The following GPD2 variants were observed in gnomAD, a reference collection of about 807,000 sequenced individuals.
GPD2 encodes glycerol-3-phosphate dehydrogenase, mitochondrial.
In GPD2, 54 loss-of-function variants were observed where a neutral mutation model predicts 82.4. The observed-to-expected ratio is 0.66, with a 90% CI of 0.53 to 0.82. GPD2 has a LOEUF of 0.82. GPD2 is among the 40% of genes least tolerant of loss of function. GPD2 has a pLI of 0.00. For synonymous variants in GPD2, 288 were observed against 306.1 expected (o/e 0.94, Z 0.62); for missense variants, 748 against 896.2 (o/e 0.83, Z 2.11).
At chr2:156,434,925 A>G (rs1459656919), upstream of GPD2, among the ~76,000 whole-genome samples, 1 of 152,126 alleles carries the variant, frequency 6.6e-6, no homozygotes, top group Non-Finnish European at 1.5e-5. Context: ...AGCCAGTTTT[A>G]AAATACAAGG....
intron 8 of GPD2, among the ~76,000 whole-genome samples, chr2:156,555,487 G>A (rs974146287): frequency 6.6e-6 from 1 of 152,184 alleles, no homozygotes; most frequent in Admixed American, 6.5e-5. Flanking sequence ...AAACATGTCA[G>A]CATATAATTC....
rs576762521 is a variant in GPD2 at position 156,584,767 on chromosome 2, T to G, written c.*1849T>G. 1.2e-4 allele frequency: 19 copies of G among 152,542 alleles called. No homozygotes were observed. Among genetic ancestry groups the G allele is most frequent in the African/African-American group, 3.9e-4 (16 of 41,528 alleles). The allele number at this position is 152,542 out of a possible 1,614,324, so 9.4% of individuals were successfully genotyped here. A position where few individuals can be genotyped will look rare whatever the true frequency, so the allele number is the denominator to read the frequency against. On this transcript the variant is annotated 3_prime_UTR_variant, in exon 17 of 17. Transcript: ENST00000438166. ...TGTTTTTTGCTATCCAGATAACAAG[T>G]TTCATTGTTTAGAACCCAGTGACAC... is the stretch of plus-strand genomic sequence containing the variant.
Position 156,585,234 on chromosome 2 carries a change from C to A in GPD2, c.*2316C>A, listed in dbSNP as rs1167638680. 6.6e-6 allele frequency: 1 copy of A among 151,954 alleles called. No homozygotes were observed. The highest frequency in any genetic ancestry group is 2.4e-5 in the African/African-American group (1 of 41,274). 9.4% of individuals were successfully genotyped at this position (151,954 alleles called of 1,614,324 possible). ...ACCTGATTTAAGAAAGGGAGACAAG[C>A]AATAGGGGGGAATAAGCTTCTTCAA... is the stretch of plus-strand genomic sequence containing the variant. On this transcript the variant is annotated 3_prime_UTR_variant, in exon 17 of 17. Coordinates refer to ENST00000438166, the MANE Select transcript of GPD2 (RefSeq NM_000408.5).
chr2:156,429,892 T>G, the GPD2 span, among the ~76,000 whole-genome samples: 1 of 152,326 alleles, frequency 6.6e-6, no homozygotes, highest in South Asian at 2.1e-4. Context: ...CTCAAGGATT[T>G]AAGATTTTCT....
At chr2:156,406,448 T>A in the GPD2 span, among the ~76,000 whole-genome samples, 3 of 152,168 alleles carry the variant, frequency 2.0e-5, no homozygotes, top group African/African-American at 7.2e-5. Flanking sequence ...TCCCTCCTCA[T>A]GCCAATCTCT....
the GPD2 span, among the ~76,000 whole-genome samples, chr2:156,409,955 A>T: frequency 2.0e-5 from 3 of 152,126 alleles, no homozygotes; most frequent in South Asian, 4.1e-4. Context: ...GTTGAGGCAG[A>T]GGATCCCTTG....
intron 2 of GPD2, among the ~76,000 whole-genome samples, chr2:156,477,274 A>G (rs1398326238): frequency 6.6e-6 from 1 of 152,144 alleles, no homozygotes; most frequent in African/African-American, 2.4e-5. Context: ...CTACAAAAAA[A>G]TACAAAAATT....
chr2:156,565,375 C>T (rs1367870875), intron 9 of GPD2, among the ~76,000 whole-genome samples: 2 of 152,048 alleles, frequency 1.3e-5, no homozygotes, highest in Admixed American at 1.3e-4. Context: ...ACACTTTTTA[C>T]AACTTGTTTT....
At chr2:156,541,826 T>TTTTTG (rs1553475241) in intron 6 of GPD2, among the ~76,000 whole-genome samples, 1 of 139,668 alleles carries the variant, frequency 7.2e-6, no homozygotes, top group African/African-American at 2.7e-5. Flanking sequence ...TGCTGTTTGT[T>TTTTTG]TTTTTTTTTT....
chr2:156,400,485 C>A, the GPD2 span, among the ~76,000 whole-genome samples: 1 of 152,224 alleles, frequency 6.6e-6, no homozygotes, highest in South Asian at 2.1e-4. Context: ...GCCGCTGTGG[C>A]CGCGCAGGGC....
chr2:156,543,124 A>G (rs565121558), intron 6 of GPD2, among the ~76,000 whole-genome samples: 1 of 152,164 alleles, frequency 6.6e-6, no homozygotes, highest in Non-Finnish European at 1.5e-5. Flanking sequence ...CCCTTTGCTT[A>G]TGTTTTCACC....
intron 6 of GPD2, among the ~76,000 whole-genome samples, chr2:156,519,448 T>C (rs1381274013): frequency 6.6e-6 from 1 of 152,202 alleles, no homozygotes; most frequent in Non-Finnish European, 1.5e-5. Flanking sequence ...ACATTAAAAT[T>C]GTGTATTTAA....
At chr2:156,567,720 A>G (rs1455476469) in intron 9 of GPD2, among the ~76,000 whole-genome samples, 2 of 152,140 alleles carry the variant, frequency 1.3e-5, no homozygotes, top group Admixed American at 6.6e-5. Context: ...GTCTACATGA[A>G]GAAGGGCAGA....
chr2:156,518,394 G>C (rs1040450040), intron 6 of GPD2, among the ~76,000 whole-genome samples: 3 of 152,188 alleles, frequency 2.0e-5, no homozygotes, highest in Non-Finnish European at 2.9e-5. Flanking sequence ...CGAGCTGGAG[G>C]TGCTTGACTA....
chr2:156,513,663 A>G (rs1364133079), intron 6 of GPD2, among the ~76,000 whole-genome samples, 167 bp downstream of exon 6: 3 of 152,194 alleles, frequency 2.0e-5, no homozygotes, highest in Non-Finnish European at 4.4e-5. Flanking sequence ...CGGTGGCTGA[A>G]AAACTAACCA....
At chr2:156,512,938 C>T (rs541946671) in intron 5 of GPD2, among the ~76,000 whole-genome samples, 2 of 152,306 alleles carry the variant, frequency 1.3e-5, no homozygotes, top group South Asian at 2.1e-4. Flanking sequence ...GTTCATCCTT[C>T]ATCATAGATC....
intron 1 of GPD2, among the ~76,000 whole-genome samples, chr2:156,440,731 A>C (rs1465635182): frequency 6.6e-6 from 1 of 152,244 alleles, no homozygotes; most frequent in East Asian, 1.9e-4. Flanking sequence ...TCACAAAATT[A>C]GTGGGAAAAA....
chr2:156,504,052 T>G (rs1684691542), intron 3 of GPD2, among the ~76,000 whole-genome samples: 1 of 152,166 alleles, frequency 6.6e-6, no homozygotes, highest in African/African-American at 2.4e-5. Context: ...ATGTTAATGA[T>G]GTGTTCTAAC....
chr2:156,516,348 G>T (rs944386451), intron 6 of GPD2, among the ~76,000 whole-genome samples: 2 of 152,224 alleles, frequency 1.3e-5, no homozygotes, highest in African/African-American at 4.8e-5. Context: ...CCATTTTAAA[G>T]TGAACAGAAA....
Sources: allele counts gnomAD v4.1 joint callset (sites outside exome capture counted in the v4.1 genomes callset), GRCh38; gene constraint gnomAD v4.1.1; transcripts MANE v1.5; gene names NCBI Gene and HGNC (gene_info 2026-07-23, HGNC 2026-07-21).